Variants in SPTSSA observed in about 807,000 individuals in gnomAD.
SPTSSA encodes small subunit of serine palmitoyltransferase A.
SPTSSA carries 8 observed loss-of-function variants against 9.1 expected under a neutral mutation model. The observed-to-expected ratio is 0.88, with a 90% CI of 0.51 to 1.58. SPTSSA has a LOEUF of 1.58. Among genes scored for constraint, SPTSSA ranks in the 40% most tolerant of loss-of-function variants. The probability of loss-of-function intolerance (pLI) is 0.00; values close to 1 mark genes in which losing one functional copy is unlikely to be tolerated. For missense variants in SPTSSA, 100 were observed against 93.8 expected (o/e 1.07, Z -0.27); for synonymous variants, 42 against 37.7 (o/e 1.11, Z -0.41).
intron 1 of SPTSSA, among the ~76,000 whole-genome samples, chr14:34,443,164 TG>T (rs1883352066): frequency 3.3e-5 from 3 of 90,346 alleles, no homozygotes; most frequent in Admixed American, 1.1e-4. Flanking sequence ...TGTGTGTGTG[TG>T]TGTGTGTTTT....
At position 34,435,382 on chromosome 14, in the gene SPTSSA, ATG is replaced by A. The variant is rs1345418532; in HGVS notation, c.113-80_113-79del. ...TCCACATGTCTTCAACAACTCTTTT[ATG>A]CTGAAGTACCCATTCACTTAGTGCT... On this transcript the variant is annotated intron_variant, in intron 1 of 1. Coordinates refer to ENST00000298130, the MANE Select transcript of SPTSSA (RefSeq NM_138288.4). 7.2e-6 allele frequency: 7 copies of A among 965,994 alleles called. No homozygotes were observed. In the African/African-American group the frequency reaches 1.2e-4, roughly 16 times the overall value. The allele number at this position is 965,994 out of a possible 1,614,324, so 59.8% of individuals were successfully genotyped here.
At chr14:34,436,466 TTCTC>T (rs1002236233) in intron 1 of SPTSSA, among the ~76,000 whole-genome samples, 8 of 152,086 alleles carry the variant, frequency 5.3e-5, no homozygotes, top group Non-Finnish European at 7.4e-5. Flanking sequence ...ATTCTCATTC[TTCTC>T]TCTCTCTCCT....
chr14:34,444,855 G>C (rs1883393266), intron 1 of SPTSSA, among the ~76,000 whole-genome samples: 1 of 151,980 alleles, frequency 6.6e-6, no homozygotes, highest in Non-Finnish European at 1.5e-5. Context: ...AACACTTTGA[G>C]AGAACAAGGA....
At chr14:34,453,655 A>G (rs1883564580) in intron 1 of SPTSSA, among the ~76,000 whole-genome samples, 1 of 152,228 alleles carries the variant, frequency 6.6e-6, no homozygotes, top group African/African-American at 2.4e-5. Context: ...GGTCTGACTC[A>G]ATAATATTTT....
chr14:34,459,487 G>A (rs1288592468), intron 1 of SPTSSA, among the ~76,000 whole-genome samples: 1 of 132,774 alleles, frequency 7.5e-6, no homozygotes, highest in Non-Finnish European at 1.6e-5. Flanking sequence ...AGAAAAAGAA[G>A]AAAATTAATC....
chr14:34,445,896 G>A (rs899847292), intron 1 of SPTSSA, among the ~76,000 whole-genome samples: 3 of 152,156 alleles, frequency 2.0e-5, no homozygotes, highest in Non-Finnish European at 4.4e-5. Context: ...TACTAAAATT[G>A]TTTAAAATAG....
At chr14:34,447,541 T>C (rs1423895059) in intron 1 of SPTSSA, among the ~76,000 whole-genome samples, 2 of 152,166 alleles carry the variant, frequency 1.3e-5, no homozygotes, top group Non-Finnish European at 2.9e-5. Context: ...GTGCTGAGAC[T>C]GGAAACGAAA....
At chr14:34,453,528 G>A (rs1318888089) in intron 1 of SPTSSA, among the ~76,000 whole-genome samples, 1 of 152,076 alleles carries the variant, frequency 6.6e-6, no homozygotes, top group South Asian at 2.1e-4. Context: ...ATGTCCCCTC[G>A]GGCAGCTTCC....
chr14:34,438,450 G>A (rs1022073480), intron 1 of SPTSSA, among the ~76,000 whole-genome samples: 2 of 151,922 alleles, frequency 1.3e-5, no homozygotes, highest in African/African-American at 2.4e-5. Flanking sequence ...TTCAGATTAG[G>A]GATGTCCATT....
chr14:34,454,857 T>G (rs1423066909), intron 1 of SPTSSA, among the ~76,000 whole-genome samples: 1 of 152,060 alleles, frequency 6.6e-6, no homozygotes, highest in Non-Finnish European at 1.5e-5. Flanking sequence ...GAGGCCAAGG[T>G]GGGTGGGTCA....
At position 34,433,834 on chromosome 14, in the gene SPTSSA, G is replaced by GT. The variant is rs1883196016; in HGVS notation, c.*1366dup. On this transcript the variant is annotated 3_prime_UTR_variant, in exon 2 of 2. Coordinates refer to ENST00000298130, the MANE Select transcript of SPTSSA (RefSeq NM_138288.4). ...AAAAATTAGCCAGGCATGGTGGCAG[G>GT]TGCCTGTAATCCCAGCTATTCAGGA... is the stretch of plus-strand genomic sequence containing the variant. The GT allele has an allele frequency of 6.6e-6, 1 of 151,828 alleles. No individual in the cohort carries two copies. Among genetic ancestry groups the GT allele is most frequent in the Non-Finnish European group, 1.5e-5 (1 of 68,000 alleles). The allele number at this position is 151,828 out of a possible 1,614,324, so 9.4% of individuals were successfully genotyped here.
intron 1 of SPTSSA, among the ~76,000 whole-genome samples, chr14:34,444,739 A>G (rs1883390835): frequency 6.8e-6 from 1 of 147,780 alleles, no homozygotes; most frequent in Non-Finnish European, 1.5e-5. Context: ...GCCACAGGGC[A>G]AGACTCTGCC....
chr14:34,440,908 T>C (rs193043967), intron 1 of SPTSSA, among the ~76,000 whole-genome samples: 3 of 151,738 alleles, frequency 2.0e-5, no homozygotes, highest in South Asian at 2.1e-4. Context: ...AAAAAAAGAA[T>C]CTGAAACTTA....
rs2787441 is a variant in SPTSSA at position 34,457,920 on chromosome 14, C to A, written c.112+4176G>T. ...CCCAGAGGCAGAGGCTGCAGTGAAC[C>A]GAGATCGCACCACTGCACTCCAGCC... On this transcript the variant is annotated intron_variant, in intron 1 of 1. Coordinates refer to ENST00000298130, the MANE Select transcript of SPTSSA (RefSeq NM_138288.4). Among the ~76,000 whole-genome samples the A allele has an allele frequency of 3.8e-3, 528 of 139,964 alleles. 4 individuals are homozygous for A. The highest frequency in any genetic ancestry group is 0.014 in the African/African-American group (503 of 36,626). 91.8% of individuals were successfully genotyped at this position (139,964 alleles called of 152,430 possible).
chr14:34,442,983 T>TGTGTGTGAGA lies in SPTSSA; in HGVS notation c.113-7680_113-7679insTCTCACACAC, dbSNP rs750212266. Among the ~76,000 whole-genome samples, 132 of 148,456 alleles carry TGTGTGTGAGA rather than the reference T, an allele frequency of 8.9e-4. 1 individual carries two copies. The highest frequency in any genetic ancestry group is 3.1e-3 in the African/African-American group (125 of 39,786). On this transcript the variant is annotated intron_variant, in intron 1 of 1. Transcript: ENST00000298130. ...GTGTGTGTGTGTGTGTGTGTGTGTG[T>TGTGTGTGAGA]GAGATGGAGTTTCCCTCTAGGGGTG...
chr14:34,454,446 T>C (rs1361046259), intron 1 of SPTSSA, among the ~76,000 whole-genome samples: 3 of 152,216 alleles, frequency 2.0e-5, no homozygotes, highest in Admixed American at 6.5e-5. Context: ...GTTTTCATTA[T>C]TTTCAACCTT....
rs1221963463 is a variant in SPTSSA at position 34,435,514 on chromosome 14, T to G, written c.113-210A>C. Among the ~76,000 whole-genome samples the G allele has an allele frequency of 4.6e-5, 7 of 152,118 alleles. No individual in the cohort carries two copies. In the East Asian group the frequency reaches 1.3e-3, roughly 29 times the overall value. On this transcript the variant is annotated intron_variant, in intron 1 of 1. Coordinates refer to ENST00000298130, the MANE Select transcript of SPTSSA (RefSeq NM_138288.4). ...TCTAAGCTGGTTTTGTTTTATTTTG[T>G]TTTTAGCTCATTCTATCTTTACTAT...
chr14:34,459,578 C>T (rs1416642731), intron 1 of SPTSSA, among the ~76,000 whole-genome samples: 6 of 151,480 alleles, frequency 4.0e-5, no homozygotes, highest in African/African-American at 9.7e-5. Context: ...GTCAGGAGTT[C>T]GAGACCAGCC....
At chr14:34,447,389 G>A (rs78055516) in intron 1 of SPTSSA, among the ~76,000 whole-genome samples, 1,881 of 151,982 alleles carry the variant, frequency 0.012, 34 homozygotes, top group African/African-American at 0.039. Flanking sequence ...CATAATAATC[G>A]TCTCCCTGGA....
Sources: allele counts gnomAD v4.1 joint callset (sites outside exome capture counted in the v4.1 genomes callset), GRCh38; gene constraint gnomAD v4.1.1; transcripts MANE v1.5; gene names NCBI Gene and HGNC (gene_info 2026-07-23, HGNC 2026-07-21).